The following TMEM45A variants were observed in gnomAD, a reference collection of about 807,000 sequenced individuals.
TMEM45A encodes the protein DNA polymerase-transactivated protein 4.
Under a neutral mutation model 32.0 loss-of-function variants are expected in TMEM45A, and 25 were observed. The observed-to-expected ratio is 0.78, with a 90% CI of 0.57 to 1.09. The LOEUF (loss-of-function observed/expected upper bound fraction) is 1.09. TMEM45A is among the 50% of genes least tolerant of loss of function. TMEM45A has a pLI of 0.00. For synonymous variants in TMEM45A, 122 were observed against 114.8 expected (o/e 1.06, Z -0.40); for missense variants, 302 against 325.0 (o/e 0.93, Z 0.54).
At chr3:100,509,093 C>G in intron 1 of TMEM45A, among the ~76,000 whole-genome samples, 1 of 152,102 alleles carries the variant, frequency 6.6e-6, no homozygotes, top group East Asian at 1.9e-4. Context: ...CCAGAATATA[C>G]AACGAACTCC....
chr3:100,549,271 AC>A (rs1304810163), intron 1 of TMEM45A, among the ~76,000 whole-genome samples: 1 of 151,794 alleles, frequency 6.6e-6, no homozygotes, highest in Non-Finnish European at 1.5e-5. Context: ...AAACAAAAAA[AC>A]AAACAAAAAA....
rs545100907 is a variant in TMEM45A at position 100,513,244 on chromosome 3, G to A, written c.-4+20316G>A. ...ATCCTCAATAAAATACTGGCAAACC[G>A]AATCCAGCAGCACATCTAAAAGCTT... On this transcript the variant is annotated intron_variant, in intron 1 of 5. Coordinates refer to ENST00000323523, the MANE Select transcript of TMEM45A (RefSeq NM_018004.3). Among the ~76,000 whole-genome samples the A allele has an allele frequency of 4.2e-4, 64 of 151,972 alleles. 1 individual carries two copies. The highest frequency in any genetic ancestry group is 6.8e-4 in the Non-Finnish European group (46 of 67,980).
chr3:100,507,947 C>T (rs1464524517), intron 1 of TMEM45A, among the ~76,000 whole-genome samples: 1 of 150,466 alleles, frequency 6.6e-6, no homozygotes, highest in East Asian at 1.9e-4. Context: ...ACCAAAACAG[C>T]AACTAGATAA....
At chr3:100,527,542 T>A (rs1312786517) in intron 1 of TMEM45A, among the ~76,000 whole-genome samples, 1 of 152,196 alleles carries the variant, frequency 6.6e-6, no homozygotes, top group African/African-American at 2.4e-5. Context: ...CATTGGAAAC[T>A]GTCCTTGACC....
At chr3:100,500,111 C>A (rs759493831) in intron 1 of TMEM45A, among the ~76,000 whole-genome samples, 6 of 152,126 alleles carry the variant, frequency 3.9e-5, no homozygotes, top group Non-Finnish European at 7.4e-5. Flanking sequence ...ACTACTCTCC[C>A]CACAATTAAA....
At chr3:100,537,169 C>T (rs1301991441) in intron 1 of TMEM45A, among the ~76,000 whole-genome samples, 1 of 152,042 alleles carries the variant, frequency 6.6e-6, no homozygotes, top group Admixed American at 6.6e-5. Context: ...GTGATCCGTC[C>T]AGCTTGGCCT....
chr3:100,539,084 G>C (rs1156870221), intron 1 of TMEM45A, among the ~76,000 whole-genome samples: 1 of 152,038 alleles, frequency 6.6e-6, no homozygotes, highest in Non-Finnish European at 1.5e-5. Flanking sequence ...GTTACTTTGT[G>C]GATATTAAAC....
chr3:100,519,492 G>T, intron 1 of TMEM45A: 1 of 1,453,562 alleles, frequency 6.9e-7, no homozygotes, highest in Non-Finnish European at 9.4e-7. Flanking sequence ...AGAAGCAAAG[G>T]CTCAATTTTG....
At chr3:100,553,218 A>C (rs1346018323) in intron 1 of TMEM45A, among the ~76,000 whole-genome samples, 1 of 152,236 alleles carries the variant, frequency 6.6e-6, no homozygotes, top group Non-Finnish European at 1.5e-5. Context: ...TAACTTGCCC[A>C]AAGTTATGTA....
At chr3:100,513,879 G>A (rs1468340338) in intron 1 of TMEM45A, among the ~76,000 whole-genome samples, 3 of 151,994 alleles carry the variant, frequency 2.0e-5, no homozygotes, top group Non-Finnish European at 4.4e-5. Flanking sequence ...ATTCACAATT[G>A]CTTCAAAGAG....
At chr3:100,574,641 T>C (rs1177562768) in intron 5 of TMEM45A, 2 of 152,260 alleles carry the variant, frequency 1.3e-5, no homozygotes, top group African/African-American at 4.8e-5. Flanking sequence ...CCTGTGATGT[T>C]CACTATTAGG....
At chr3:100,540,570 A>G (rs1705850526) in intron 1 of TMEM45A, among the ~76,000 whole-genome samples, 1 of 152,140 alleles carries the variant, frequency 6.6e-6, no homozygotes. Flanking sequence ...AGAAACAAGA[A>G]CTCTCATTCA....
At chr3:100,542,594 C>T (rs960841742) in intron 1 of TMEM45A, among the ~76,000 whole-genome samples, 1 of 152,142 alleles carries the variant, frequency 6.6e-6, no homozygotes, top group Non-Finnish European at 1.5e-5. Flanking sequence ...TGCACTCACA[C>T]ATTCATCACA....
At chr3:100,539,855 T>C (rs1299342858) in intron 1 of TMEM45A, among the ~76,000 whole-genome samples, 1 of 152,162 alleles carries the variant, frequency 6.6e-6, no homozygotes, top group Non-Finnish European at 1.5e-5. Context: ...CTGCTGCCTG[T>C]GCATTTCTTA....
At chr3:100,519,277 C>T (rs959089356) in intron 1 of TMEM45A, 15 of 466,998 alleles carry the variant, frequency 3.2e-5, no homozygotes, top group South Asian at 6.9e-5. Flanking sequence ...ATCTTCAGTA[C>T]GCATGATTCG....
intron 4 of TMEM45A, 140 bp downstream of exon 4, chr3:100,558,729 T>A (rs1706272707): frequency 5.6e-6 from 5 of 900,150 alleles, no homozygotes; most frequent in Non-Finnish European, 8.6e-6. Flanking sequence ...GAAGTGATGT[T>A]TCTTTGAGTG....
intron 1 of TMEM45A, chr3:100,519,581 A>G (rs1705392387): frequency 1.3e-6 from 2 of 1,551,088 alleles, no homozygotes; most frequent in Non-Finnish European, 1.7e-6. Flanking sequence ...ATGACTCAGA[A>G]GGGAAAATGG....
intron 5 of TMEM45A, among the ~76,000 whole-genome samples, chr3:100,575,363 C>CTCTTTT (rs1706660425): frequency 8.0e-5 from 5 of 62,706 alleles, no homozygotes; most frequent in Admixed American, 2.2e-4. Context: ...TATGGATTCT[C>CTCTTTT]TTTTTTTTTT....
At chr3:100,515,548 C>T (rs1296789646) in intron 1 of TMEM45A, among the ~76,000 whole-genome samples, 3 of 150,542 alleles carry the variant, frequency 2.0e-5, no homozygotes, top group Non-Finnish European at 3.0e-5. Flanking sequence ...TTAGTGGGTG[C>T]AGCGCACCAG....
Sources: allele counts gnomAD v4.1 joint callset (sites outside exome capture counted in the v4.1 genomes callset), GRCh38; gene constraint gnomAD v4.1.1; transcripts MANE v1.5; gene names NCBI Gene and HGNC (gene_info 2026-07-23, HGNC 2026-07-21).